Variants in USP25 observed in about 807,000 individuals in gnomAD.
USP25 encodes ubiquitin specific peptidase 25, also known as ubiquitin carboxyl-terminal hydrolase 25.
USP25 carries 85 observed loss-of-function variants against 158.5 expected under a neutral mutation model. That is an observed-to-expected ratio of 0.54 (90% CI 0.45 to 0.64). USP25 has a LOEUF of 0.64. Among genes scored for constraint, USP25 ranks in the 30% least tolerant of loss-of-function variants. USP25 has a pLI of 0.00. For missense variants in USP25, 1,242 were observed against 1,327.3 expected (o/e 0.94, Z 1.00); for synonymous variants, 464 against 460.4 (o/e 1.01, Z -0.10).
rs888974020 is a variant in USP25 at position 15,855,185 on chromosome 21, G to A, written c.2547+5313G>A. 7.9e-5 allele frequency among the ~76,000 whole-genome samples: 12 copies of A among 151,654 alleles called. 1 individual carries two copies. Among genetic ancestry groups the A allele is most frequent in the East Asian group, 7.8e-4 (4 of 5,142 alleles). ...TTTCTTTTTTTGTAAAAATTTTGTC[G>A]GTATCAAAGTACCCTTAGGGTTTTA... On this transcript the variant is annotated intron_variant, in intron 20 of 25. Transcript: ENST00000400183.
chr21:15,806,639 T>C (rs1568829508), intron 7 of USP25, among the ~76,000 whole-genome samples: 1 of 152,182 alleles, frequency 6.6e-6, no homozygotes, highest in South Asian at 2.1e-4. Flanking sequence ...GACTAACTTT[T>C]GAAATTAGTG....
chr21:15,808,759 A>G (rs756981630), intron 7 of USP25, 50 bp from the exon 8 acceptor site: 1 of 1,219,856 alleles, frequency 8.2e-7, no homozygotes, highest in Admixed American at 2.6e-5. Context: ...AACATCTAGT[A>G]TTTTTTTTTT....
At chr21:15,854,990 A>G (rs980930538) in intron 20 of USP25, among the ~76,000 whole-genome samples, 1 of 152,208 alleles carries the variant, frequency 6.6e-6, no homozygotes, top group African/African-American at 2.4e-5. Flanking sequence ...ATTCAGAGGA[A>G]AGCAATACAA....
At position 15,877,803 on chromosome 21, in the gene USP25, A is replaced by G; in HGVS notation, c.3017A>G (p.Asn1006Ser). 2.5e-6 allele frequency: 4 copies of G among 1,597,318 alleles called. No homozygotes were observed. Among genetic ancestry groups the G allele is most frequent in the Admixed American group, 1.8e-5 (1 of 54,880 alleles). ...TTCCTGCATTGCATTAAGAAATTAA[A>G]TGAGCAAGCCGCAGAACTCTTCGAA... ...HYRRECLLKL[N>S]EQAAELFESG... The change falls in exon 25 of 26, where the codon AAT becomes AGT. Residue 1006 changes from asparagine (N) to serine (S), a missense_variant. Coordinates refer to ENST00000400183, the MANE Select transcript of USP25 (RefSeq NM_001283041.3).
intron 20 of USP25, among the ~76,000 whole-genome samples, chr21:15,854,641 TAAG>T (rs2039049088): frequency 1.3e-5 from 2 of 152,172 alleles, no homozygotes; most frequent in Non-Finnish European, 2.9e-5. Flanking sequence ...TTGCTAGTGA[TAAG>T]AATAGTGATG....
At chr21:15,835,622 T>A (rs1489376090) in intron 17 of USP25, among the ~76,000 whole-genome samples, 1 of 152,248 alleles carries the variant, frequency 6.6e-6, no homozygotes, top group African/African-American at 2.4e-5. Context: ...TTGATATATT[T>A]CTGGGAGGAA....
At chr21:15,835,903 C>T (rs999467070) in intron 17 of USP25, among the ~76,000 whole-genome samples, 12 of 152,240 alleles carry the variant, frequency 7.9e-5, no homozygotes, top group African/African-American at 2.9e-4. Context: ...GAAATTTGTT[C>T]TCTGTTGCAG....
intron 20 of USP25, among the ~76,000 whole-genome samples, chr21:15,851,868 C>T (rs1368627169): frequency 6.6e-6 from 1 of 152,018 alleles, no homozygotes; most frequent in Non-Finnish European, 1.5e-5. Context: ...TCTCCTTTCA[C>T]CATCATTCTG....
intron 1 of USP25, among the ~76,000 whole-genome samples, chr21:15,731,057 A>C (rs1413677480): frequency 7.3e-6 from 1 of 136,676 alleles, no homozygotes; most frequent in African/African-American, 2.8e-5. Context: ...TATTCCAGGA[A>C]TCTTTTGTCC....
intron 4 of USP25, among the ~76,000 whole-genome samples, chr21:15,779,507 T>C (rs2034843972): frequency 6.6e-6 from 1 of 151,814 alleles, no homozygotes; most frequent in Admixed American, 6.6e-5. Context: ...ATATAAAATA[T>C]ATGTGAGCTT....
At position 15,826,915 on chromosome 21, in the gene USP25, C is replaced by T. The variant is rs2146365502; in HGVS notation, c.1467-62C>T. 2 of 1,560,200 alleles carry T rather than the reference C, an allele frequency of 1.3e-6. No homozygotes were observed. Among genetic ancestry groups the T allele is most frequent in the East Asian group, 2.2e-5 (1 of 44,498 alleles). Reference sequence around the variant, plus strand: ...CCAATTTAATACTGTGGGTTTGGCACGATCTTTGTCAAGAGTTTCAGCTTG... The same window carrying T: ...CCAATTTAATACTGTGGGTTTGGCATGATCTTTGTCAAGAGTTTCAGCTTG... On this transcript the variant is annotated intron_variant, in intron 13 of 25. Coordinates refer to ENST00000400183, the MANE Select transcript of USP25 (RefSeq NM_001283041.3). This position sits in a 1 kb window ranked among gnomAD's most constrained non-coding sequence, Gnocchi z 4.8.
chr21:15,837,710 A>T (rs1185682670), intron 17 of USP25, among the ~76,000 whole-genome samples: 1 of 152,236 alleles, frequency 6.6e-6, no homozygotes, highest in Non-Finnish European at 1.5e-5. Flanking sequence ...TTTCTTTAAA[A>T]AATAAGGAAA....
intron 22 of USP25, among the ~76,000 whole-genome samples, chr21:15,868,353 T>A (rs564756763): frequency 5.3e-4 from 80 of 152,286 alleles, no homozygotes; most frequent in African/African-American, 1.7e-3. Flanking sequence ...TAATAATGAC[T>A]CCAAATCTGT....
intron 20 of USP25, among the ~76,000 whole-genome samples, chr21:15,859,954 AT>A (rs970817257): frequency 6.9e-6 from 1 of 145,864 alleles, no homozygotes; most frequent in African/African-American, 2.5e-5. Flanking sequence ...CTATATTTAA[AT>A]TGGATATATA....
intron 8 of USP25, among the ~76,000 whole-genome samples, chr21:15,810,185 G>A (rs1033584780): frequency 6.6e-6 from 1 of 152,068 alleles, no homozygotes; most frequent in Admixed American, 6.5e-5. Flanking sequence ...GCACCTGAAC[G>A]TGAAGGGCCA....
At chr21:15,817,620 C>A (rs887194286) in intron 9 of USP25, among the ~76,000 whole-genome samples, 1 of 152,024 alleles carries the variant, frequency 6.6e-6, no homozygotes, top group African/African-American at 2.4e-5. Context: ...GCCTAACAAT[C>A]ATGGGCTGGG....
At chr21:15,793,991 G>C (rs982650081) in intron 5 of USP25, among the ~76,000 whole-genome samples, 1 of 151,494 alleles carries the variant, frequency 6.6e-6, no homozygotes, top group African/African-American at 2.4e-5. Flanking sequence ...CATAGTGTTG[G>C]AGGTTTTGTT....
chr21:15,831,422 G>A lies in USP25; in HGVS notation c.1786G>A (p.Val596Ile), dbSNP rs147170304. Residue 596 changes from valine (V) to isoleucine (I), a missense_variant, in exon 16 of 26, where the codon GTT (valine) becomes ATT (isoleucine). Physicochemically the swap from Val to Ile is conservative, Grantham distance 29. Coordinates refer to ENST00000400183, the MANE Select transcript of USP25 (RefSeq NM_001283041.3). ...MIQVPYRLHA[V>I]LVHEGQANAG... ...TTAGGTTCCTTATCGATTACATGCCGTTTTAGTTCACGAAGGCCAAGCTAA... is the reference window on the plus strand; with the variant it reads ...TTAGGTTCCTTATCGATTACATGCCATTTTAGTTCACGAAGGCCAAGCTAA... 378 of 1,613,844 alleles carry A rather than the reference G, an allele frequency of 2.3e-4. No homozygotes were observed. The highest frequency in any genetic ancestry group is 4.5e-4 in the East Asian group (20 of 44,854).
chr21:15,780,105 A>AAGGG (rs1221734168), intron 4 of USP25, among the ~76,000 whole-genome samples: 3 of 152,190 alleles, frequency 2.0e-5, no homozygotes, highest in Non-Finnish European at 4.4e-5. Context: ...GCTTAAAAGT[A>AAGGG]AATTAACTCC....
Sources: gnomAD v4.1 joint callset for allele counts (sites outside exome capture counted in the v4.1 genomes callset) on GRCh38, gnomAD v4.1.1 for gene constraint, Gnocchi (gnomAD v3.1) non-coding constraint, MANE v1.5 for transcripts, NCBI Gene and HGNC (gene_info 2026-07-23, HGNC 2026-07-21) for gene names.